The following TMTC1 variants were observed in gnomAD, a reference collection of about 807,000 sequenced individuals.
TMTC1 encodes the protein transmembrane O-mannosyltransferase targeting cadherins 1, also known as protein O-mannosyl-transferase TMTC1.
In TMTC1, 73 loss-of-function variants were observed where a neutral mutation model predicts 104.8. The observed-to-expected ratio is 0.70, with a 90% confidence interval of 0.58 to 0.85. The LOEUF is 0.85. Ranked by LOEUF, TMTC1 falls within the 40% of genes least tolerant of loss-of-function variation. The probability of loss-of-function intolerance (pLI) is 0.00; values close to 1 mark genes in which losing one functional copy is unlikely to be tolerated. For missense variants in TMTC1, 1,035 were observed against 1,096.1 expected, an observed-to-expected ratio of 0.94 and a Z score of 0.79; for synonymous variants, 434 against 428.7, an observed-to-expected ratio of 1.01 and a Z score of -0.15.
At chr12:29,643,629 T>A (rs868672552) in intron 5 of TMTC1, among the ~76,000 whole-genome samples, 3 of 29,438 alleles carry the variant, frequency 1.0e-4, no homozygotes, top group African/African-American at 4.7e-4. Flanking sequence ...ATCTATATAT[T>A]ATATATATAA....
In TMTC1 at chr12:29,691,523, G is replaced by C. The variant is rs1941266423; in HGVS notation, c.939-58187C>G. ...GAAATTCCCCTGTCTTGATAAATCA[G>C]CTCTGTCTAGGCAGCAGGCAAGGTG... On this transcript the variant is annotated intron_variant, in intron 5 of 17. Transcript: ENST00000539277. 5.4e-5 allele frequency among the ~76,000 whole-genome samples: 6 copies of C among 110,258 alleles called. 1 individual carries two copies. In the South Asian group the frequency reaches 1.6e-3, roughly 30 times the overall value. 72.3% of individuals were successfully genotyped at this position (110,258 alleles called of 152,430 possible). A position where few individuals can be genotyped will look rare whatever the true frequency, so the allele number is the denominator to read the frequency against.
intron 5 of TMTC1, among the ~76,000 whole-genome samples, chr12:29,681,891 TTACATATG>T (rs1487835034): frequency 1.3e-5 from 2 of 152,204 alleles, no homozygotes; most frequent in Non-Finnish European, 2.9e-5. Context: ...GTTAATTCCT[TTACATATG>T]ACAGTAATTG....
chr12:29,754,445 G>C (rs1485558524), intron 4 of TMTC1, among the ~76,000 whole-genome samples: 1 of 152,188 alleles, frequency 6.6e-6, no homozygotes, highest in Non-Finnish European at 1.5e-5. Context: ...CCACGTGAGA[G>C]AACGCATCTG....
At chr12:29,647,385 G>A (rs1939313917) in intron 5 of TMTC1, among the ~76,000 whole-genome samples, 1 of 152,138 alleles carries the variant, frequency 6.6e-6, no homozygotes, top group South Asian at 2.1e-4. Context: ...GCTCAGTCAA[G>A]AACAGAGCAG....
intron 6 of TMTC1, among the ~76,000 whole-genome samples, chr12:29,606,979 C>A (rs538902564): frequency 3.3e-5 from 5 of 152,156 alleles, no homozygotes; most frequent in South Asian, 4.2e-4. Context: ...TCCTGCCCCC[C>A]CCCCTCACTC....
chr12:29,572,959 A>G (rs1945721899), intron 8 of TMTC1, among the ~76,000 whole-genome samples: 1 of 152,322 alleles, frequency 6.6e-6, no homozygotes, highest in Middle Eastern at 3.4e-3. Context: ...TGTAACATGC[A>G]GTGTCCTCTA....
chr12:29,564,996 T>C (rs1021187802), intron 9 of TMTC1, among the ~76,000 whole-genome samples: 21 of 152,126 alleles, frequency 1.4e-4, no homozygotes, highest in African/African-American at 4.1e-4. Flanking sequence ...GAGGAAAATC[T>C]GAATTAATCA....
chr12:29,518,409 G>C, intron 13 of TMTC1, 63 bp downstream of exon 13: 4 of 1,569,636 alleles, frequency 2.5e-6, no homozygotes, highest in Non-Finnish European at 3.5e-6. Flanking sequence ...GATTAACTAA[G>C]AAGCTGATGA....
At chr12:29,533,390 T>C (rs1288661777) in intron 11 of TMTC1, 3 of 152,206 alleles carry the variant, frequency 2.0e-5, no homozygotes, top group African/African-American at 7.2e-5. Context: ...AGCATGCTTA[T>C]AATAAGAGCA....
At chr12:29,750,534 T>C (rs534237451) in intron 5 of TMTC1, among the ~76,000 whole-genome samples, 7 of 152,182 alleles carry the variant, frequency 4.6e-5, no homozygotes, top group East Asian at 3.9e-4. Context: ...CAGATATTTA[T>C]TGATGAATGA....
chr12:29,606,763 G>A (rs531881683), intron 6 of TMTC1, among the ~76,000 whole-genome samples: 2 of 152,292 alleles, frequency 1.3e-5, no homozygotes, highest in South Asian at 4.1e-4. Context: ...TATTGGGAAA[G>A]AGCCCTCACT....
intron 8 of TMTC1, among the ~76,000 whole-genome samples, chr12:29,578,581 C>T (rs7957229): frequency 2.6e-5 from 4 of 152,184 alleles, no homozygotes; most frequent in African/African-American, 4.8e-5. Flanking sequence ...AAATAAACAT[C>T]TCCCTTTCAA....
intron 1 of TMTC1, among the ~76,000 whole-genome samples, chr12:29,782,282 T>A (rs909701046): frequency 6.6e-6 from 1 of 152,250 alleles, no homozygotes; most frequent in Admixed American, 6.5e-5. Flanking sequence ...CATTAAACTT[T>A]CAGTGGAAGA....
chr12:29,536,010 G>A, intron 11 of TMTC1, 199 bp downstream of exon 11: 1 of 558,696 alleles, frequency 1.8e-6, no homozygotes, highest in Non-Finnish European at 3.1e-6. Flanking sequence ...GACCATCTTT[G>A]TCTAAAAGCG....
intron 5 of TMTC1, among the ~76,000 whole-genome samples, chr12:29,646,021 CAG>C (rs1349304294): frequency 6.6e-6 from 1 of 152,160 alleles, no homozygotes; most frequent in Non-Finnish European, 1.5e-5. Context: ...ACACATATGA[CAG>C]AGTTTTCTGG....
intron 1 of TMTC1, among the ~76,000 whole-genome samples, chr12:29,775,721 A>G (rs413884): frequency 0.88 from 133,834 of 151,718 alleles, 60,352 homozygotes; most frequent in East Asian, 0.99. Context: ...TGACCACACA[A>G]CAATTCAATT....
intron 5 of TMTC1, among the ~76,000 whole-genome samples, chr12:29,748,862 A>AAAT (rs1381950455): frequency 6.6e-6 from 1 of 152,258 alleles, no homozygotes; most frequent in Non-Finnish European, 1.5e-5. Flanking sequence ...ACTTAAAATT[A>AAAT]AATATGTCAT....
chr12:29,625,416 C>T (rs1488579883), intron 6 of TMTC1, among the ~76,000 whole-genome samples: 1 of 152,162 alleles, frequency 6.6e-6, no homozygotes, highest in East Asian at 1.9e-4. Context: ...AAAGTGAAAC[C>T]AGGCCACAAA....
intron 5 of TMTC1, chr12:29,660,046 C>A: frequency 8.0e-7 from 1 of 1,255,164 alleles, no homozygotes; most frequent in East Asian, 2.5e-5. Context: ...TTTGCAGGTG[C>A]ATTCTGTTCC....
Sources: gnomAD v4.1 joint callset for allele counts (sites outside exome capture counted in the v4.1 genomes callset) on GRCh38, gnomAD v4.1.1 for gene constraint, MANE v1.5 for transcripts, NCBI Gene and HGNC (gene_info 2026-07-23, HGNC 2026-07-21) for gene names.